The following IMMP2L variants were observed in gnomAD, a reference collection of about 807,000 sequenced individuals.
IMMP2L encodes inner mitochondrial membrane peptidase subunit 2, also known as mitochondrial inner membrane protease subunit 2.
A neutral mutation model predicts 19.3 loss-of-function variants in IMMP2L; 18 were observed. The ratio of observed to expected loss-of-function variants is 0.93; its 90% confidence interval spans 0.64 to 1.38. IMMP2L has a LOEUF of 1.38. Among genes scored for constraint, IMMP2L ranks in the 40% most tolerant of loss-of-function variants. The probability of loss-of-function intolerance (pLI) is 0.00; values close to 1 mark genes in which losing one functional copy is unlikely to be tolerated. For missense variants in IMMP2L, 233 were observed against 218.2 expected, an observed-to-expected ratio of 1.07 and a Z score of -0.43; for synonymous variants, 76 against 73.0, an observed-to-expected ratio of 1.04 and a Z score of -0.21.
At chr7:110,888,782 T>C (rs999850595) in intron 4 of IMMP2L, among the ~76,000 whole-genome samples, 5 of 152,212 alleles carry the variant, frequency 3.3e-5, no homozygotes, top group Admixed American at 6.5e-5. Flanking sequence ...TAACACTTGA[T>C]ATACATTTAT....
chr7:111,360,929 T>C (rs1829201952), intron 3 of IMMP2L, among the ~76,000 whole-genome samples: 1 of 152,100 alleles, frequency 6.6e-6, no homozygotes, highest in South Asian at 2.1e-4. Flanking sequence ...TGTTGATACA[T>C]AATAAATATT....
intron 4 of IMMP2L, among the ~76,000 whole-genome samples, chr7:110,930,068 T>C (rs933474069): frequency 2.0e-5 from 3 of 152,160 alleles, no homozygotes; most frequent in African/African-American, 7.2e-5. Context: ...GCTTAATCAT[T>C]TCATCATATA....
chr7:111,169,588 A>C (rs149844667), intron 3 of IMMP2L, among the ~76,000 whole-genome samples: 11 of 151,910 alleles, frequency 7.2e-5, no homozygotes, highest in African/African-American at 1.2e-4. Flanking sequence ...CTTGGCTTGC[A>C]GTATCGTAAC....
At chr7:111,443,281 G>A (rs1417887443) in intron 3 of IMMP2L, among the ~76,000 whole-genome samples, 1 of 151,946 alleles carries the variant, frequency 6.6e-6, no homozygotes, top group Non-Finnish European at 1.5e-5. Flanking sequence ...GTTCAATACA[G>A]TAATCCAAAT....
intron 3 of IMMP2L, among the ~76,000 whole-genome samples, chr7:111,429,918 C>A (rs1311509106): frequency 6.6e-6 from 1 of 151,842 alleles, no homozygotes; most frequent in African/African-American, 2.4e-5. Flanking sequence ...TATTATATAG[C>A]AAGTATGCTT....
chr7:110,982,381 T>G (rs990842604), intron 3 of IMMP2L, among the ~76,000 whole-genome samples: 3 of 152,268 alleles, frequency 2.0e-5, no homozygotes, highest in African/African-American at 7.2e-5. Flanking sequence ...CACTAGTTAC[T>G]CAAAGTCAAG....
intron 3 of IMMP2L, among the ~76,000 whole-genome samples, chr7:111,272,605 T>C (rs1374700440): frequency 1.3e-5 from 2 of 152,196 alleles, no homozygotes; most frequent in African/African-American, 2.4e-5. Context: ...GATTGGCTGA[T>C]ACATAGACTA....
At chr7:110,773,735 G>A (rs1395829987) in intron 5 of IMMP2L, among the ~76,000 whole-genome samples, 1 of 151,984 alleles carries the variant, frequency 6.6e-6, no homozygotes, top group Non-Finnish European at 1.5e-5. Context: ...AGGTGAGAAA[G>A]GACAGGCAGA....
At chr7:111,409,561 G>A (rs905637903) in intron 3 of IMMP2L, among the ~76,000 whole-genome samples, 2 of 151,670 alleles carry the variant, frequency 1.3e-5, no homozygotes, top group African/African-American at 2.4e-5. Flanking sequence ...AAAAACCTGA[G>A]AGTTTTTTTT....
intron 3 of IMMP2L, among the ~76,000 whole-genome samples, chr7:111,286,140 T>C (rs2130762814): frequency 6.6e-6 from 1 of 152,102 alleles, no homozygotes; most frequent in Non-Finnish European, 1.5e-5. Flanking sequence ...GAAAAAATAA[T>C]AAGAGAAGAA....
intron 3 of IMMP2L, among the ~76,000 whole-genome samples, chr7:110,991,780 A>T (rs2129559671): frequency 6.6e-6 from 1 of 152,158 alleles, no homozygotes. Flanking sequence ...ATACTTAAAA[A>T]CACCTTCTTC....
intron 3 of IMMP2L, among the ~76,000 whole-genome samples, chr7:110,974,675 G>A (rs572607707): frequency 2.7e-4 from 41 of 152,106 alleles, no homozygotes; most frequent in African/African-American, 9.6e-4. Flanking sequence ...GCTGTTCACT[G>A]GCACTCAGAT....
chr7:111,384,118 C>T (rs574146629), intron 3 of IMMP2L, among the ~76,000 whole-genome samples: 2 of 151,426 alleles, frequency 1.3e-5, no homozygotes, highest in African/African-American at 4.9e-5. Flanking sequence ...CACTCCAGCC[C>T]GCGTGGCAGA....
intron 3 of IMMP2L, among the ~76,000 whole-genome samples, chr7:111,477,272 G>T (rs1459615079): frequency 6.6e-6 from 1 of 152,228 alleles, no homozygotes; most frequent in Non-Finnish European, 1.5e-5. Flanking sequence ...TGTGACCAGT[G>T]CAGTCACACA....
intron 3 of IMMP2L, among the ~76,000 whole-genome samples, chr7:111,462,676 C>G (rs1808742567): frequency 6.6e-6 from 1 of 151,982 alleles, no homozygotes; most frequent in African/African-American, 2.4e-5. Flanking sequence ...ACTAGAAGTT[C>G]AACGATAAAA....
At chr7:111,115,777 C>T (rs983338515) in intron 3 of IMMP2L, among the ~76,000 whole-genome samples, 3 of 152,124 alleles carry the variant, frequency 2.0e-5, no homozygotes, top group East Asian at 1.9e-4. Context: ...CAGCGATTCT[C>T]GTGCCTCAGC....
At chr7:110,704,192 G>T (rs578064792) in intron 5 of IMMP2L, among the ~76,000 whole-genome samples, 1 of 152,076 alleles carries the variant, frequency 6.6e-6, no homozygotes, top group South Asian at 2.1e-4. Context: ...TAATTTCTAA[G>T]GAAAATTGTC....
chr7:110,788,417 A>G (rs1439739876), intron 5 of IMMP2L, among the ~76,000 whole-genome samples: 1 of 149,522 alleles, frequency 6.7e-6, no homozygotes, highest in African/African-American at 2.6e-5. Context: ...CCACTCTCTT[A>G]GTAGCACTGG....
intron 4 of IMMP2L, among the ~76,000 whole-genome samples, chr7:110,917,502 A>G (rs1392170595): frequency 6.6e-6 from 1 of 152,222 alleles, no homozygotes. Flanking sequence ...TGTGAAGATG[A>G]CATTATTATT....
Sources: gnomAD v4.1 joint callset for allele counts (sites outside exome capture counted in the v4.1 genomes callset) on GRCh38, gnomAD v4.1.1 for gene constraint, MANE v1.5 for transcripts, NCBI Gene and HGNC (gene_info 2026-07-23, HGNC 2026-07-21) for gene names.